The following ADAMTSL1 variants were observed in gnomAD, a reference collection of about 807,000 sequenced individuals.
ADAMTSL1 encodes ADAMTS like 1, also known as ADAMTS-like protein 1.
A neutral mutation model predicts 201.8 loss-of-function variants in ADAMTSL1; 126 were observed. The ratio of observed to expected loss-of-function variants is 0.62; its 90% CI spans 0.54 to 0.72. The LOEUF (loss-of-function observed/expected upper bound fraction) is 0.72, where lower values mean the gene tolerates loss of function less well. Ranked by LOEUF, ADAMTSL1 falls within the 30% of genes least tolerant of loss-of-function variation. ADAMTSL1 has a pLI of 0.00. For synonymous variants in ADAMTSL1, 1,121 were observed against 903.4 expected (o/e 1.24, Z -4.32); for missense variants, 2,679 against 2,277.8 (o/e 1.18, Z -3.59).
intron 2 of ADAMTSL1, among the ~76,000 whole-genome samples, chr9:18,341,006 C>A (rs1457683087): frequency 6.6e-6 from 1 of 152,146 alleles, no homozygotes; most frequent in East Asian, 1.9e-4. Flanking sequence ...CAGACCCCCA[C>A]CAACTCTCAA....
intron 2 of ADAMTSL1, among the ~76,000 whole-genome samples, chr9:18,241,828 T>A (rs928991390): frequency 6.6e-6 from 1 of 151,874 alleles, no homozygotes; most frequent in Non-Finnish European, 1.5e-5. Context: ...CAGGAAGAAA[T>A]AGAAATCCTG....
At chr9:18,039,874 C>T (rs765343661) in intron 1 of ADAMTSL1, among the ~76,000 whole-genome samples, 10 of 152,168 alleles carry the variant, frequency 6.6e-5, no homozygotes, top group South Asian at 2.1e-4. Flanking sequence ...TGTATTTAGC[C>T]GATAAGATTT....
At chr9:18,041,160 G>T (rs1196868292) in intron 1 of ADAMTSL1, among the ~76,000 whole-genome samples, 1 of 152,164 alleles carries the variant, frequency 6.6e-6, no homozygotes, top group East Asian at 1.9e-4. Flanking sequence ...TGAAGAGGAT[G>T]ATTTAACACA....
At chr9:18,251,212 C>T (rs1831452521) in intron 2 of ADAMTSL1, among the ~76,000 whole-genome samples, 1 of 151,954 alleles carries the variant, frequency 6.6e-6, no homozygotes, top group African/African-American at 2.4e-5. Flanking sequence ...TTACAGAAAA[C>T]AGACTTGGAA....
chr9:18,304,715 G>A (rs1027331146), intron 2 of ADAMTSL1, among the ~76,000 whole-genome samples: 3 of 151,354 alleles, frequency 2.0e-5, no homozygotes, highest in Non-Finnish European at 2.9e-5. Context: ...TGAATAGTAA[G>A]ATTCTGAAAA....
intron 23 of ADAMTSL1, among the ~76,000 whole-genome samples, chr9:18,860,689 A>G (rs138444152): frequency 1.0e-3 from 154 of 152,260 alleles, no homozygotes; most frequent in African/African-American, 3.6e-3. Context: ...ATAATTCAAA[A>G]ATAAATTTTA....
intron 2 of ADAMTSL1, among the ~76,000 whole-genome samples, chr9:18,179,161 C>CA (rs1828328276): frequency 6.6e-6 from 1 of 151,894 alleles, no homozygotes; most frequent in South Asian, 2.1e-4. Flanking sequence ...CTAGAATAAC[C>CA]AATACAGAGA....
chr9:18,871,214 T>G (rs1827853815), intron 23 of ADAMTSL1, among the ~76,000 whole-genome samples: 1 of 152,232 alleles, frequency 6.6e-6, no homozygotes, highest in Non-Finnish European at 1.5e-5. Context: ...AGCCTATTAT[T>G]AGAAAAATAT....
At chr9:18,394,748 T>G (rs1470448277) in intron 2 of ADAMTSL1, among the ~76,000 whole-genome samples, 1 of 152,324 alleles carries the variant, frequency 6.6e-6, no homozygotes, top group East Asian at 1.9e-4. Context: ...TTACCAACTC[T>G]CCACTTTAGA....
intron 2 of ADAMTSL1, among the ~76,000 whole-genome samples, chr9:18,412,416 C>T (rs181070733): frequency 6.6e-6 from 1 of 152,288 alleles, no homozygotes; most frequent in African/African-American, 2.4e-5. Flanking sequence ...TATTTCATTA[C>T]TGGTTGTAAA....
intron 2 of ADAMTSL1, among the ~76,000 whole-genome samples, chr9:18,241,126 A>G (rs1380976030): frequency 1.3e-5 from 2 of 152,074 alleles, no homozygotes; most frequent in Non-Finnish European, 2.9e-5. Context: ...TTTCCTTTGC[A>G]TTTGACTAAC....
chr9:18,415,295 A>C (rs1215866377), intron 2 of ADAMTSL1, among the ~76,000 whole-genome samples: 1 of 152,228 alleles, frequency 6.6e-6, no homozygotes, highest in Admixed American at 6.5e-5. Flanking sequence ...ACATTAAAAC[A>C]GTTTATATGA....
chr9:18,095,807 C>T (rs1449088675), intron 1 of ADAMTSL1, among the ~76,000 whole-genome samples: 1 of 152,134 alleles, frequency 6.6e-6, no homozygotes, highest in African/African-American at 2.4e-5. Flanking sequence ...TGGAATCAGA[C>T]ATTTAAGAAG....
chr9:18,581,398 G>C (rs1026176763), intron 4 of ADAMTSL1, among the ~76,000 whole-genome samples: 1 of 152,096 alleles, frequency 6.6e-6, no homozygotes, highest in Non-Finnish European at 1.5e-5. Flanking sequence ...CTTATCTTTT[G>C]GGGGAGACAC....
At chr9:18,477,322 G>A (rs1457453145) in intron 1 of ADAMTSL1, among the ~76,000 whole-genome samples, 1 of 152,172 alleles carries the variant, frequency 6.6e-6, no homozygotes, top group Non-Finnish European at 1.5e-5. Context: ...TGTGAGAGTT[G>A]CAAGAGTAAC....
At chr9:18,586,800 T>C (rs1232054025) in intron 4 of ADAMTSL1, among the ~76,000 whole-genome samples, 1 of 152,020 alleles carries the variant, frequency 6.6e-6, no homozygotes, top group African/African-American at 2.4e-5. Context: ...CACACACCTA[T>C]GACCGTCTGA....
At chr9:18,104,510 C>G (rs1283904762) in intron 1 of ADAMTSL1, among the ~76,000 whole-genome samples, 1 of 152,130 alleles carries the variant, frequency 6.6e-6, no homozygotes, top group Non-Finnish European at 1.5e-5. Context: ...GGTGGCCACA[C>G]TTGGGCTACC....
intron 1 of ADAMTSL1, among the ~76,000 whole-genome samples, chr9:18,160,132 T>G (rs538404418): frequency 2.6e-5 from 4 of 152,154 alleles, no homozygotes; most frequent in South Asian, 4.1e-4. Flanking sequence ...AGCTGGTGTT[T>G]CTGTATTCCC....
intron 1 of ADAMTSL1, among the ~76,000 whole-genome samples, chr9:18,104,986 C>T (rs1053065678): frequency 2.0e-5 from 3 of 151,730 alleles, no homozygotes; most frequent in Non-Finnish European, 4.4e-5. Context: ...TCCCTAAAAA[C>T]ATTTATTTTT....
Sources: gnomAD v4.1 joint callset for allele counts (sites outside exome capture counted in the v4.1 genomes callset) on GRCh38, gnomAD v4.1.1 for gene constraint, MANE v1.5 for transcripts, NCBI Gene and HGNC (gene_info 2026-07-23, HGNC 2026-07-21) for gene names.